TLK1: variants seen among roughly 807,000 people sequenced by gnomAD.
The protein encoded by TLK1 is serine/threonine-protein kinase tousled-like 1.
Under a neutral mutation model 105.3 loss-of-function variants are expected in TLK1, and 24 were observed. The observed-to-expected ratio is 0.23, with a 90% CI of 0.17 to 0.32. The LOEUF is 0.32. Ranked by LOEUF, TLK1 falls within the 10% of genes least tolerant of loss-of-function variation. The pLI is 1.00. For missense variants in TLK1, 558 were observed against 910.5 expected, an observed-to-expected ratio of 0.61 and a Z score of 4.98; for synonymous variants, 321 against 310.4, an observed-to-expected ratio of 1.03 and a Z score of -0.36.
At chr2:171,057,609 GC>G (rs1687563965) in intron 5 of TLK1, among the ~76,000 whole-genome samples, 1 of 152,008 alleles carries the variant, frequency 6.6e-6, no homozygotes, top group South Asian at 2.1e-4. Flanking sequence ...AGCCAATTCT[GC>G]TCTCTCAAGT....
intron 1 of TLK1, among the ~76,000 whole-genome samples, chr2:171,124,490 A>G (rs1690789114): frequency 6.6e-6 from 1 of 152,242 alleles, no homozygotes. Context: ...TAAGCCAGTC[A>G]GGATATTTGT....
chr2:171,125,980 T>C (rs1025362066), intron 1 of TLK1, among the ~76,000 whole-genome samples: 1 of 152,046 alleles, frequency 6.6e-6, no homozygotes, highest in African/African-American at 2.4e-5. Context: ...AAGAGGGAAA[T>C]TTTCTGGAAA....
rs368958135 is a variant in TLK1 at position 171,195,480 on chromosome 2, T to C, written c.-6+35665A>G. Among the ~76,000 whole-genome samples, 12 of 123,172 alleles carry C rather than the reference T, an allele frequency of 9.7e-5. No homozygotes were observed. The East Asian group carries it at 2.0e-3, about 21-fold the overall frequency. 80.8% of individuals were successfully genotyped at this position (123,172 alleles called of 152,430 possible). A position where few individuals can be genotyped will look rare whatever the true frequency, so the allele number is the denominator to read the frequency against. On this transcript the variant is annotated intron_variant, in intron 1 of 20. Transcript: ENST00000521943. ...ATGGCGCCACTGCACTCCAGCTAGGTGACAGAGCAAGACTCTGTCTCAAAA... is the reference window on the plus strand; with the variant it reads ...ATGGCGCCACTGCACTCCAGCTAGGCGACAGAGCAAGACTCTGTCTCAAAA...
intron 1 of TLK1, among the ~76,000 whole-genome samples, chr2:171,156,853 A>C (rs1692258276): frequency 6.6e-6 from 1 of 152,088 alleles, no homozygotes; most frequent in South Asian, 2.1e-4. Context: ...TTTTTTGAGA[A>C]AGTATCTCAC....
Position 171,050,060 on chromosome 2 carries a change from C to G in TLK1, c.843+4G>C, listed in dbSNP as rs1357055926. The G allele has an allele frequency of 1.2e-6, 2 of 1,604,010 alleles. No individual in the cohort carries two copies. The highest frequency in any genetic ancestry group is 3.4e-5 in the Admixed American group (2 of 58,658). ...AGCGAAAATTTACTCAACTTTTAGC[C>G]TACCTTTTCAATAAGAAGTTTCTTG... On this transcript the variant is annotated splice_donor_region_variant and intron_variant, in intron 9 of 20. Transcript: ENST00000431350.
At chr2:171,033,335 AC>A in intron 11 of TLK1, among the ~76,000 whole-genome samples, 1 of 152,162 alleles carries the variant, frequency 6.6e-6, no homozygotes, top group Non-Finnish European at 1.5e-5. Flanking sequence ...TCAACAAAAT[AC>A]ATTTCATAAA....
At chr2:171,211,862 T>C (rs893094656) in intron 1 of TLK1, among the ~76,000 whole-genome samples, 30 of 148,624 alleles carry the variant, frequency 2.0e-4, no homozygotes, top group Non-Finnish European at 3.9e-4. Flanking sequence ...TTTTTTTTTT[T>C]CAAGACAGAG....
At chr2:171,054,812 T>C (rs946513638) in intron 7 of TLK1, 5 of 230,038 alleles carry the variant, frequency 2.2e-5, no homozygotes, top group African/African-American at 4.5e-5. Context: ...TCACAAAATA[T>C]CAATTACATA....
intron 1 of TLK1, among the ~76,000 whole-genome samples, chr2:171,168,139 T>C (rs1345658345): frequency 6.6e-6 from 1 of 152,090 alleles, no homozygotes; most frequent in Non-Finnish European, 1.5e-5. Flanking sequence ...TGGAAGTTTC[T>C]TTTCGTAAAA....
chr2:171,058,661 T>C (rs1056249945), intron 4 of TLK1, among the ~76,000 whole-genome samples: 2 of 152,190 alleles, frequency 1.3e-5, no homozygotes, highest in African/African-American at 4.8e-5. Context: ...ATTGTAAATA[T>C]TGCTCATATA....
chr2:171,222,566 A>G (rs2105331425), intron 1 of TLK1, among the ~76,000 whole-genome samples: 1 of 152,228 alleles, frequency 6.6e-6, no homozygotes, highest in Middle Eastern at 3.4e-3. Context: ...GCCTGGGCTC[A>G]AGTGATCCAC....
chr2:171,079,405 C>T (rs958725362), intron 3 of TLK1, among the ~76,000 whole-genome samples: 3 of 152,218 alleles, frequency 2.0e-5, no homozygotes, highest in Non-Finnish European at 4.4e-5. Context: ...ATGAGGCAGA[C>T]TGTCTAAATG....
At chr2:171,136,047 C>T (rs1488748873) in intron 1 of TLK1, among the ~76,000 whole-genome samples, 1 of 152,036 alleles carries the variant, frequency 6.6e-6, no homozygotes, top group Non-Finnish European at 1.5e-5. Context: ...ACTCACGATA[C>T]CCAAGAAGTG....
chr2:171,194,680 G>A (rs1218128714), intron 1 of TLK1, among the ~76,000 whole-genome samples: 7 of 150,522 alleles, frequency 4.7e-5, no homozygotes, highest in South Asian at 2.1e-4. Flanking sequence ...AGCCGGGCGT[G>A]GTAGCGGGCG....
intron 1 of TLK1, among the ~76,000 whole-genome samples, chr2:171,134,941 C>T (rs1186341601): frequency 6.6e-6 from 1 of 151,872 alleles, no homozygotes; most frequent in African/African-American, 2.4e-5. Context: ...TCATTTGAAA[C>T]AACATGGATG....
chr2:171,221,934 A>G (rs1693817610), intron 1 of TLK1, among the ~76,000 whole-genome samples: 2 of 152,378 alleles, frequency 1.3e-5, no homozygotes, highest in South Asian at 4.1e-4. Context: ...TTAGGGCGTC[A>G]GCATATGAAT....
At chr2:171,073,855 G>A (rs1688369043) in intron 3 of TLK1, among the ~76,000 whole-genome samples, 2 of 149,442 alleles carry the variant, frequency 1.3e-5, no homozygotes, top group African/African-American at 2.5e-5. Flanking sequence ...TAACAGAGAA[G>A]AGAATAAACT....
At chr2:171,040,058 A>G (rs1199085707) in intron 11 of TLK1, among the ~76,000 whole-genome samples, 1 of 152,184 alleles carries the variant, frequency 6.6e-6, no homozygotes, top group African/African-American at 2.4e-5. Flanking sequence ...GTGTCTGTGT[A>G]TAGAAGCATG....
At chr2:171,040,326 G>A (rs1324900566) in intron 11 of TLK1, among the ~76,000 whole-genome samples, 1 of 152,142 alleles carries the variant, frequency 6.6e-6, no homozygotes, top group Non-Finnish European at 1.5e-5. Flanking sequence ...GAACTCTAAT[G>A]TAACTTTGGA....
Sources: allele counts gnomAD v4.1 joint callset (sites outside exome capture counted in the v4.1 genomes callset), GRCh38; gene constraint gnomAD v4.1.1; transcripts MANE v1.5; gene names NCBI Gene and HGNC (gene_info 2026-07-23, HGNC 2026-07-21).